Variants in NAV2 observed in about 807,000 individuals in gnomAD.
NAV2 encodes the protein helicase, APC down-regulated 1.
A neutral mutation model predicts 223.2 loss-of-function variants in NAV2; 54 were observed. The observed-to-expected ratio is 0.24, with a 90% CI of 0.19 to 0.30. The LOEUF (loss-of-function observed/expected upper bound fraction) is 0.30, where lower values mean the gene tolerates loss of function less well. Among genes scored for constraint, NAV2 ranks in the 10% least tolerant of loss-of-function variants. The pLI, the probability that NAV2 is intolerant of heterozygous loss-of-function variation, is 1.00. For missense variants in NAV2, 2,806 were observed against 3,147.5 expected (o/e 0.89, Z 2.60); for synonymous variants, 1,279 against 1,239.3 (o/e 1.03, Z -0.67).
At chr11:19,640,409 T>A (rs577175332) in intron 1 of NAV2, among the ~76,000 whole-genome samples, 1 of 151,418 alleles carries the variant, frequency 6.6e-6, no homozygotes, top group East Asian at 1.9e-4. Flanking sequence ...ATATAATATA[T>A]AAAAATACAT....
chr11:19,473,019 G>C (rs1240565966), intron 1 of NAV2, among the ~76,000 whole-genome samples: 5 of 152,184 alleles, frequency 3.3e-5, no homozygotes, highest in Non-Finnish European at 7.3e-5. Context: ...ACTTCCCAAG[G>C]CTCCTGAGAG....
At chr11:19,672,830 G>A (rs933394524) in intron 1 of NAV2, among the ~76,000 whole-genome samples, 3 of 152,182 alleles carry the variant, frequency 2.0e-5, no homozygotes, top group Admixed American at 6.5e-5. Context: ...CTACTAGCTA[G>A]CAGCTTATGG....
At chr11:19,374,134 G>A (rs952850580) in intron 1 of NAV2, among the ~76,000 whole-genome samples, 2 of 152,026 alleles carry the variant, frequency 1.3e-5, no homozygotes, top group African/African-American at 4.8e-5. Flanking sequence ...CACCAGTCTT[G>A]TTTTCTCTTT....
At chr11:19,411,113 G>C (rs188074867) in intron 1 of NAV2, among the ~76,000 whole-genome samples, 1 of 152,094 alleles carries the variant, frequency 6.6e-6, no homozygotes, top group Non-Finnish European at 1.5e-5. Context: ...TTAAACCCAG[G>C]TTGCTTGACC....
intron 1 of NAV2, among the ~76,000 whole-genome samples, chr11:19,766,411 C>T (rs2055229182): frequency 6.6e-6 from 1 of 152,172 alleles, no homozygotes; most frequent in African/African-American, 2.4e-5. Context: ...GTGAGGGGAA[C>T]TGTCCAGCTC....
At chr11:19,966,231 C>G (rs1212543430) in intron 10 of NAV2, among the ~76,000 whole-genome samples, 1 of 152,166 alleles carries the variant, frequency 6.6e-6, no homozygotes, top group Non-Finnish European at 1.5e-5. Context: ...CATGTGGGAT[C>G]CAGAGATGTT....
At chr11:19,602,122 A>G (rs1049101513) in intron 1 of NAV2, among the ~76,000 whole-genome samples, 19 of 150,158 alleles carry the variant, frequency 1.3e-4, no homozygotes, top group Middle Eastern at 3.2e-3. Flanking sequence ...TATGAAAAGG[A>G]TGCACAATCC....
intron 1 of NAV2, among the ~76,000 whole-genome samples, chr11:19,393,984 C>G (rs569865670): frequency 1.4e-5 from 2 of 144,234 alleles, no homozygotes; most frequent in African/African-American, 5.1e-5. Flanking sequence ...ACTTCTCTTT[C>G]CATTTGGAAA....
At chr11:19,867,563 C>T (rs896601168) in intron 3 of NAV2, among the ~76,000 whole-genome samples, 33 of 152,186 alleles carry the variant, frequency 2.2e-4, no homozygotes, top group African/African-American at 7.5e-4. Flanking sequence ...CGCATAGCAT[C>T]AACATTTAGT....
chr11:19,705,025 A>G (rs2049620838), intron 1 of NAV2, among the ~76,000 whole-genome samples: 1 of 151,314 alleles, frequency 6.6e-6, no homozygotes, highest in Admixed American at 6.6e-5. Flanking sequence ...AAAAAAAAAA[A>G]AAAGAAAAGA....
chr11:19,346,067 C>T (rs1253498171), upstream of NAV2, among the ~76,000 whole-genome samples: 11 of 152,128 alleles, frequency 7.2e-5, no homozygotes, highest in Admixed American at 7.2e-4. Flanking sequence ...TTAGGTGTAT[C>T]TATGAGCGCG....
chr11:20,083,789 C>T (rs751458107), intron 26 of NAV2, among the ~76,000 whole-genome samples: 18 of 152,198 alleles, frequency 1.2e-4, no homozygotes, highest in Admixed American at 1.0e-3. Flanking sequence ...TTCATTACAT[C>T]TACTTCACTG....
intron 1 of NAV2, among the ~76,000 whole-genome samples, chr11:19,524,178 G>A (rs890451635): frequency 6.6e-6 from 1 of 152,166 alleles, no homozygotes; most frequent in African/African-American, 2.4e-5. Flanking sequence ...ATTTGACATG[G>A]TGGCCACGAC....
In NAV2 at chr11:19,551,477, G is replaced by A. The variant is rs545775946; in HGVS notation, c.75+200450G>A. 1.7e-4 allele frequency among the ~76,000 whole-genome samples: 26 copies of A among 152,286 alleles called. No individual in the cohort carries two copies. In the South Asian group the frequency reaches 4.3e-3, roughly 25 times the overall value. ...GACGGCTGCTCCCCAGCCTGAGCCT[G>A]CCAGTGTGCCTGTCCCTGATCCACT... On this transcript the variant is annotated intron_variant, in intron 1 of 37. Coordinates refer to the NAV2 transcript ENST00000360655.
chr11:19,832,633 G>A (rs566663922), intron 2 of NAV2, 32 bp downstream of exon 2: 1 of 1,569,222 alleles, frequency 6.4e-7, no homozygotes, highest in African/African-American at 1.4e-5. Context: ...GGGGTAATGA[G>A]TTACAGTGGA....
At chr11:19,714,246 A>C (rs759609356) in intron 1 of NAV2, 9 of 653,152 alleles carry the variant, frequency 1.4e-5, no homozygotes, top group South Asian at 1.4e-4. Context: ...GGATGTTCTC[A>C]AAAAACGTGT....
chr11:20,106,163 ATATATATATATATGTGTGTG>A (rs1816623801), intron 35 of NAV2, among the ~76,000 whole-genome samples: 37 of 10,084 alleles, frequency 3.7e-3, no homozygotes, highest in African/African-American at 4.5e-3. Context: ...GTGTATATAT[ATATATATATATATGTGTGTG>A]TATATATATA....
intron 1 of NAV2, among the ~76,000 whole-genome samples, chr11:19,701,262 G>T (rs2049505182): frequency 6.6e-6 from 1 of 152,194 alleles, no homozygotes; most frequent in Non-Finnish European, 1.5e-5. Context: ...AGAAAATGGG[G>T]TCGTGGAGAT....
rs147048450 is a variant in NAV2 at position 19,521,775 on chromosome 11, G to C, written c.75+170748G>C. On this transcript the variant is annotated intron_variant, in intron 1 of 37. Transcript: ENST00000360655. ...AGGAAGCAGGAATCAGAGGGAATAAGTAACGTGCCAACGGTCGCTCCAGCA... is the reference window on the plus strand; with the variant it reads ...AGGAAGCAGGAATCAGAGGGAATAACTAACGTGCCAACGGTCGCTCCAGCA... Among the ~76,000 whole-genome samples the C allele has an allele frequency of 1.6e-4, 24 of 152,346 alleles. No individual in the cohort carries two copies. In the East Asian group the frequency reaches 4.4e-3, roughly 28 times the overall value.
Sources: allele counts gnomAD v4.1 joint callset (sites outside exome capture counted in the v4.1 genomes callset), GRCh38; gene constraint gnomAD v4.1.1; transcripts MANE v1.5; gene names NCBI Gene and HGNC (gene_info 2026-07-23, HGNC 2026-07-21).